Variants in EIF3L observed in about 807,000 individuals in gnomAD.
The protein encoded by EIF3L is eIEF associated protein HSPC021.
Under a neutral mutation model 74.6 loss-of-function variants are expected in EIF3L, and 32 were observed. The ratio of observed to expected loss-of-function variants is 0.43; its 90% confidence interval spans 0.32 to 0.58. The LOEUF (loss-of-function observed/expected upper bound fraction) is 0.58. EIF3L is among the 20% of genes least tolerant of loss of function. The pLI, the probability that EIF3L is intolerant of heterozygous loss-of-function variation, is 0.06. For missense variants in EIF3L, 474 were observed against 707.8 expected, an observed-to-expected ratio of 0.67 and a Z score of 3.75; for synonymous variants, 256 against 254.4, an observed-to-expected ratio of 1.01 and a Z score of -0.06.
intron 7 of EIF3L, among the ~76,000 whole-genome samples, chr22:37,864,748 A>C (rs1027829554): frequency 6.6e-6 from 1 of 152,118 alleles, no homozygotes; most frequent in Non-Finnish European, 1.5e-5. Flanking sequence ...CATGTTGACC[A>C]GGCTGGTCTC....
intron 11 of EIF3L, chr22:37,879,020 T>G (rs1449638737): frequency 7.0e-6 from 1 of 142,822 alleles, no homozygotes; most frequent in Non-Finnish European, 1.5e-5. Context: ...CTCGGCTCCC[T>G]GCAACCTCCG....
chr22:37,849,935 G>A, intron 1 of EIF3L, 80 bp from the exon 2 acceptor site: 1 of 1,501,152 alleles, frequency 6.7e-7, no homozygotes, highest in Non-Finnish European at 9.3e-7. Flanking sequence ...TTAGCTCTCT[G>A]CTTGGCATCT....
At chr22:37,885,948 T>C (rs1388312553) in intron 11 of EIF3L, 2 of 150,828 alleles carry the variant, frequency 1.3e-5, no homozygotes, top group Admixed American at 6.6e-5. Flanking sequence ...CCCAACACTT[T>C]GGGAGGCCAA....
chr22:37,860,459 A>G (rs1005208075), intron 5 of EIF3L, among the ~76,000 whole-genome samples: 4 of 152,146 alleles, frequency 2.6e-5, no homozygotes, highest in Non-Finnish European at 5.9e-5. Context: ...GGCTCAAGCA[A>G]TTCTCCAGGC....
chr22:37,877,557 T>G (rs1601778381), intron 10 of EIF3L, 117 bp from the exon 11 acceptor site: 122 of 1,266,876 alleles, frequency 9.6e-5, no homozygotes, highest in East Asian at 4.7e-5. Flanking sequence ...CAATGGCTGG[T>G]ATGAAACAAC....
At chr22:37,863,153 A>G (rs956326935) in intron 6 of EIF3L, 115 bp downstream of exon 6, 1 of 1,165,262 alleles carries the variant, frequency 8.6e-7, no homozygotes, top group African/African-American at 1.6e-5. Context: ...GTAGGTGGGA[A>G]GAGGGGAGGT....
chr22:37,865,665 T>C (rs1926112203), intron 7 of EIF3L, among the ~76,000 whole-genome samples: 1 of 152,186 alleles, frequency 6.6e-6, no homozygotes, highest in Non-Finnish European at 1.5e-5. Flanking sequence ...ACCTTCATAG[T>C]GCTCCTTGAG....
intron 11 of EIF3L, chr22:37,879,770 AC>A (rs1342678846): frequency 6.7e-6 from 1 of 148,996 alleles, no homozygotes; most frequent in Non-Finnish European, 1.5e-5. Flanking sequence ...ACCTCACATA[AC>A]CCTCATTGGC....
At chr22:37,873,295 TTTTTTTTG>T (rs1399383208) in intron 8 of EIF3L, among the ~76,000 whole-genome samples, 1 of 131,432 alleles carries the variant, frequency 7.6e-6, no homozygotes, top group Non-Finnish European at 1.7e-5. Flanking sequence ...TGCGTATCAG[TTTTTTTTG>T]TTTTTTTTTT....
chr22:37,874,895 A>ATTTTTTT (rs35994639), intron 9 of EIF3L, among the ~76,000 whole-genome samples: 40 of 113,470 alleles, frequency 3.5e-4, no homozygotes, highest in African/African-American at 7.7e-4. Flanking sequence ...TGCCCAGCTA[A>ATTTTTTT]TTTTTTTTTT....
intron 5 of EIF3L, among the ~76,000 whole-genome samples, chr22:37,861,176 A>G (rs1925834820): frequency 7.0e-6 from 1 of 142,170 alleles, no homozygotes; most frequent in Non-Finnish European, 1.6e-5. Flanking sequence ...TAAGTGAAGG[A>G]AATTGGCACC....
intron 8 of EIF3L, among the ~76,000 whole-genome samples, chr22:37,873,767 C>G (rs1434072185): frequency 1.3e-5 from 2 of 152,058 alleles, no homozygotes; most frequent in Admixed American, 1.3e-4. Context: ...ACAACAATCT[C>G]TGGTTATTCA....
chr22:37,855,572 A>G lies in EIF3L; in HGVS notation c.301A>G (p.Lys101Glu), dbSNP rs779494865. ...IQDIYENSWT[K>E]LTERFFKNTP... ...TTTTTTCTTGATTTTTAGCTGGACC[A>G]AGCTGACTGAAAGATTCTTCAAGAA... The change falls in exon 4 of 13, where the codon AAG becomes GAG. Residue 101 changes from lysine to glutamate, a missense_variant. By Grantham distance (56) the Lys-to-Glu change is moderately conservative. Transcript: ENST00000652021. The G allele has an allele frequency of 1.9e-6, 3 of 1,614,150 alleles. No individual in the cohort carries two copies. Among genetic ancestry groups the G allele is most frequent in the Non-Finnish European group, 2.5e-6 (3 of 1,179,998 alleles).
chr22:37,879,863 G>A (rs565724900), intron 11 of EIF3L: 2 of 149,534 alleles, frequency 1.3e-5, no homozygotes, highest in African/African-American at 2.5e-5. Context: ...GCAGTGGCAC[G>A]ATCTTGGCTC....
intron 8 of EIF3L, among the ~76,000 whole-genome samples, chr22:37,870,826 C>G (rs1926432512): frequency 6.6e-6 from 1 of 151,998 alleles, no homozygotes; most frequent in Admixed American, 6.6e-5. Context: ...TTGTTTGAAG[C>G]ACATAAAGAA....
intron 11 of EIF3L, chr22:37,880,279 A>G (rs539214431): frequency 4.0e-5 from 6 of 150,416 alleles, no homozygotes; most frequent in African/African-American, 1.5e-4. Context: ...CACCTGGCTA[A>G]TTTTTTGTAT....
intron 7 of EIF3L, among the ~76,000 whole-genome samples, chr22:37,863,583 C>T (rs1413654569): frequency 6.6e-6 from 1 of 152,148 alleles, no homozygotes; most frequent in African/African-American, 2.4e-5. Flanking sequence ...CAAGCTCTTA[C>T]TAGACCTTGT....
chr22:37,878,395 C>T (rs1186448917), intron 11 of EIF3L: 25 of 323,704 alleles, frequency 7.7e-5, no homozygotes, highest in Middle Eastern at 9.2e-4. Flanking sequence ...GCCTGGGCAA[C>T]GTAGTGAGAC....
intron 7 of EIF3L, among the ~76,000 whole-genome samples, chr22:37,866,320 T>G (rs1175889381): frequency 6.6e-6 from 1 of 152,214 alleles, no homozygotes; most frequent in East Asian, 1.9e-4. Flanking sequence ...CCTCTGATGA[T>G]GAACCTTTGG....
Sources: gnomAD v4.1 joint callset for allele counts (sites outside exome capture counted in the v4.1 genomes callset) on GRCh38, gnomAD v4.1.1 for gene constraint, MANE v1.5 for transcripts, NCBI Gene and HGNC (gene_info 2026-07-23, HGNC 2026-07-21) for gene names.